The following KLRF2 variants were observed in gnomAD, a reference collection of about 807,000 sequenced individuals.
KLRF2 encodes killer cell lectin-like receptor subfamily F member 2.
In KLRF2, 28 loss-of-function variants were observed where a neutral mutation model predicts 25.3. The ratio of observed to expected loss-of-function variants is 1.11; its 90% CI spans 0.82 to 1.52. The LOEUF (loss-of-function observed/expected upper bound fraction) is 1.52, where lower values mean the gene tolerates loss of function less well. Ranked by LOEUF, KLRF2 falls within the 40% of genes most tolerant of loss-of-function variation. KLRF2 has a pLI of 0.00. For missense variants in KLRF2, 265 were observed against 245.8 expected (o/e 1.08, Z -0.52); for synonymous variants, 73 against 85.0 (o/e 0.86, Z 0.78).
chr12:9,893,740 C>T lies in KLRF2; in HGVS notation c.479+199C>T, dbSNP rs189241380. 2.0e-5 allele frequency among the ~76,000 whole-genome samples: 3 copies of T among 151,294 alleles called. No homozygotes were observed. The East Asian group carries it at 5.8e-4, about 29-fold the overall frequency. On this transcript the variant is annotated intron_variant, in intron 5 of 5. Coordinates refer to ENST00000535540, the MANE Select transcript of KLRF2 (RefSeq NM_001190765.1). ...TTTCTTTGCTTCCTCTCTTCTTTAA[C>T]ATTCACTAATTTTGAAAAATGGGAT...
chr12:9,895,773 A>T lies in KLRF2; in HGVS notation c.564A>T (p.Thr188=). Residue 188 remains threonine, a synonymous_variant, in exon 6 of 6, where the codon ACA becomes ACT. Transcript: ENST00000535540. ...TGTATTCTGAAGACTGTAGCTCCACATTTAAGGGCATTTGCCAGAGAGATG... is the reference window on the plus strand; with the variant it reads ...TGTATTCTGAAGACTGTAGCTCCACTTTTAAGGGCATTTGCCAGAGAGATG... ...NWVYSEDCSS[T]FKGICQRDAI... 4 of 1,535,804 alleles carry T rather than the reference A, an allele frequency of 2.6e-6. No individual in the cohort carries two copies. Among genetic ancestry groups the T allele is most frequent in the Non-Finnish European group, 3.5e-6 (4 of 1,146,762 alleles).
At chr12:9,886,763 CA>C (rs770999069) in intron 2 of KLRF2, among the ~76,000 whole-genome samples, 1,355 of 103,494 alleles carry the variant, frequency 0.013, 18 homozygotes, top group African/African-American at 0.046. Context: ...CTATATCATG[CA>C]AAAAAAAAAA....
intron 3 of KLRF2, among the ~76,000 whole-genome samples, chr12:9,892,817 C>G (rs929752142): frequency 6.6e-6 from 1 of 151,392 alleles, no homozygotes; most frequent in Non-Finnish European, 1.5e-5. Flanking sequence ...CTCCCGACCT[C>G]AGGTGATCCA....
Position 9,893,105 on chromosome 12 carries a change from G to A in KLRF2, c.303G>A (p.Glu101=), listed in dbSNP as rs1862700260. ...WFSTSFKTWK[E]SQRDCTQLQA... is the part of the protein sequence containing the mutation. Reference sequence around the variant, plus strand: ...CAACTTCTTTTAAAACGTGGAAAGAGAGTCAACGTGATTGTACACAGCTAC... The same window carrying A: ...CAACTTCTTTTAAAACGTGGAAAGAAAGTCAACGTGATTGTACACAGCTAC... Residue 101 remains glutamate, a synonymous_variant, in exon 4 of 6, where the codon GAG becomes GAA. Coordinates refer to ENST00000535540, the MANE Select transcript of KLRF2 (RefSeq NM_001190765.1). 1.3e-6 allele frequency: 2 copies of A among 1,535,668 alleles called. No individual in the cohort carries two copies. The highest frequency in any genetic ancestry group is 1.7e-6 in the Non-Finnish European group (2 of 1,146,594).
chr12:9,894,774 G>A (rs564251363), intron 5 of KLRF2, among the ~76,000 whole-genome samples: 1 of 152,014 alleles, frequency 6.6e-6, no homozygotes, highest in African/African-American at 2.4e-5. Context: ...AAAACTAAAG[G>A]ATGAAGTAGT....
rs187692525 is a variant in KLRF2 at position 9,888,127 on chromosome 12, A to G, written c.170-606A>G. 2.4e-3 allele frequency among the ~76,000 whole-genome samples: 367 copies of G among 151,664 alleles called. 1 individual carries two copies. Among genetic ancestry groups the G allele is most frequent in the Non-Finnish European group, 3.3e-3 (226 of 67,944 alleles). ...AAAAAAGAAAACAGAATGTCAATTAAAAAGTCCAGTGAAAAAAATAATATA... is the reference window on the plus strand; with the variant it reads ...AAAAAAGAAAACAGAATGTCAATTAGAAAGTCCAGTGAAAAAAATAATATA... On this transcript the variant is annotated intron_variant, in intron 2 of 5. Coordinates refer to ENST00000535540, the MANE Select transcript of KLRF2 (RefSeq NM_001190765.1).
Position 9,888,777 on chromosome 12 carries a change from T to C in KLRF2, c.214T>C (p.Ser72Pro), listed in dbSNP as rs1862637341. ...CCAGAATGTAAACGTCAGCAGTCTA[T>C]CAGGTAATACTCTTTTTGTTTGTTA... ...FSQNVNVSSL[S>P]GHNYLCPNDW... is the part of the protein sequence containing the mutation. The change falls in exon 3 of 6, where the codon TCA (serine) becomes CCA (proline). Residue 72 changes from serine (S) to proline (P), a missense_variant. Coordinates refer to ENST00000535540, the MANE Select transcript of KLRF2 (RefSeq NM_001190765.1). 1.3e-6 allele frequency: 2 copies of C among 1,499,282 alleles called. No individual in the cohort carries two copies. Among genetic ancestry groups the C allele is most frequent in the East Asian group, 4.9e-5 (2 of 40,728 alleles). 92.9% of individuals were successfully genotyped at this position (1,499,282 alleles called of 1,614,324 possible).
intron 1 of KLRF2, 75 bp from the exon 2 acceptor site, chr12:9,884,859 C>T (rs1433471614): frequency 2.1e-6 from 1 of 468,356 alleles, no homozygotes; most frequent in Non-Finnish European, 3.7e-6. Flanking sequence ...CATGAGTTGT[C>T]TCTGTAATAA....
chr12:9,892,307 C>A (rs963870588), intron 3 of KLRF2, among the ~76,000 whole-genome samples: 1 of 152,120 alleles, frequency 6.6e-6, no homozygotes, highest in African/African-American at 2.4e-5. Flanking sequence ...CCCAATGCAT[C>A]AGTAATAGTA....
chr12:9,888,685 T>C lies in KLRF2; in HGVS notation c.170-48T>C, dbSNP rs1415578179. On this transcript the variant is annotated intron_variant, in intron 2 of 5. Transcript: ENST00000535540. ...CTTTATTCTCATGTACCTAGATTGC[T>C]ATTGATTTTTAAATGTTTCTCATAT... 17 of 1,043,912 alleles carry C rather than the reference T, an allele frequency of 1.6e-5. No individual in the cohort carries two copies. The South Asian group carries it at 2.3e-4, about 14-fold the overall frequency. The allele number at this position is 1,043,912 out of a possible 1,614,324, so 64.7% of individuals were successfully genotyped here. A position where few individuals can be genotyped will look rare whatever the true frequency, so the allele number is the denominator to read the frequency against.
At chr12:9,887,661 T>G (rs1266048854) in intron 2 of KLRF2, among the ~76,000 whole-genome samples, 1 of 151,738 alleles carries the variant, frequency 6.6e-6, no homozygotes, top group African/African-American at 2.4e-5. Flanking sequence ...TCTGTCTATA[T>G]GAAAACAAAC....
At chr12:9,892,659 A>G (rs1862691590) in intron 3 of KLRF2, among the ~76,000 whole-genome samples, 1 of 137,834 alleles carries the variant, frequency 7.3e-6, no homozygotes, top group African/African-American at 2.8e-5. Context: ...ATCACGGCTC[A>G]CCGCAACCTC....
Position 9,895,709 on chromosome 12 carries a change from C to T in KLRF2, c.500C>T (p.Thr167Ile), listed in dbSNP as rs1862748484. The T allele has an allele frequency of 1.3e-6, 2 of 1,534,152 alleles. No individual in the cohort carries two copies. Among genetic ancestry groups the T allele is most frequent in the Non-Finnish European group, 8.7e-7 (1 of 1,146,334 alleles). The change falls in exon 6 of 6, where the codon ACT (threonine) becomes ATT (isoleucine). Residue 167 changes from threonine (T) to isoleucine (I), a missense_variant. Physicochemically the swap from Thr to Ile is moderately conservative, Grantham distance 89. Coordinates refer to ENST00000535540, the MANE Select transcript of KLRF2 (RefSeq NM_001190765.1). ...VPELFSVIGP[T>I]DDRSCAVITG... Reference sequence around the variant, plus strand: ...CTTAGGTTTTCAGTGATTGGACCAACTGATGACAGGAGCTGTGCCGTTATC... The same window carrying T: ...CTTAGGTTTTCAGTGATTGGACCAATTGATGACAGGAGCTGTGCCGTTATC...
chr12:9,889,521 T>G (rs1425493702), intron 3 of KLRF2, among the ~76,000 whole-genome samples: 1 of 152,156 alleles, frequency 6.6e-6, no homozygotes, highest in Non-Finnish European at 1.5e-5. Context: ...TCCTTCAGAC[T>G]GAAGATATAA....
At chr12:9,891,183 A>G (rs936577231) in intron 3 of KLRF2, among the ~76,000 whole-genome samples, 1 of 152,134 alleles carries the variant, frequency 6.6e-6, no homozygotes, top group Non-Finnish European at 1.5e-5. Context: ...CTAAGTGTAT[A>G]TAAGGTGCTT....
intron 5 of KLRF2, among the ~76,000 whole-genome samples, chr12:9,895,056 T>C (rs566181985): frequency 2.2e-4 from 34 of 152,318 alleles, no homozygotes; most frequent in African/African-American, 7.7e-4. Flanking sequence ...AGGCATTCCA[T>C]TTATACATTG....
Position 9,884,991 on chromosome 12 carries a change from T to A in KLRF2, c.128T>A (p.Ile43Asn), listed in dbSNP as rs913391347. 2.2e-6 allele frequency: 3 copies of A among 1,333,424 alleles called. No homozygotes were observed. Among genetic ancestry groups the A allele is most frequent in the African/African-American group, 3.0e-5 (2 of 66,012 alleles). 82.6% of individuals were successfully genotyped at this position (1,333,424 alleles called of 1,614,324 possible). ...CLLLIFGCIVILIFIMTGIDL... is the reference protein window; with the variant it reads ...CLLLIFGCIVNLIFIMTGIDL... Reference sequence around the variant, plus strand: ...CTGCTCATATTTGGATGCATTGTGATCCTTATATTCATTATGACAGGGATT... The same window carrying A: ...CTGCTCATATTTGGATGCATTGTGAACCTTATATTCATTATGACAGGGATT... Residue 43 changes from isoleucine to asparagine, a missense_variant, in exon 2 of 6, where the codon ATC (isoleucine) becomes AAC (asparagine). By Grantham distance (149) the Ile-to-Asn change is moderately radical (BLOSUM62 -3). Coordinates refer to ENST00000535540, the MANE Select transcript of KLRF2 (RefSeq NM_001190765.1).
intron 2 of KLRF2, among the ~76,000 whole-genome samples, chr12:9,888,438 C>T (rs1591777524): frequency 6.6e-6 from 1 of 151,330 alleles, no homozygotes; most frequent in Non-Finnish European, 1.5e-5. Context: ...TGCAGTGAGC[C>T]GAGATTGCGC....
chr12:9,885,918 A>G (rs1862591331), intron 2 of KLRF2, among the ~76,000 whole-genome samples: 1 of 152,096 alleles, frequency 6.6e-6, no homozygotes, highest in Non-Finnish European at 1.5e-5. Context: ...TAAGAAGTTG[A>G]ATCCACTGTA....
Sources: gnomAD v4.1 joint callset for allele counts (sites outside exome capture counted in the v4.1 genomes callset) on GRCh38, gnomAD v4.1.1 for gene constraint, MANE v1.5 for transcripts, NCBI Gene and HGNC (gene_info 2026-07-23, HGNC 2026-07-21) for gene names.